Variants in NCALD observed in about 807,000 individuals in gnomAD.
The protein encoded by NCALD is neurocalcin-delta.
In NCALD, 10 loss-of-function variants were observed where a neutral mutation model predicts 18.6. The observed-to-expected ratio is 0.54, with a 90% confidence interval of 0.33 to 0.91. The LOEUF is 0.91. NCALD is among the 40% of genes least tolerant of loss of function. The pLI, the probability that NCALD is intolerant of heterozygous loss-of-function variation, is 0.03. For synonymous variants in NCALD, 88 were observed against 87.4 expected (o/e 1.01, Z -0.04); for missense variants, 184 against 247.6 (o/e 0.74, Z 1.72).
intron 1 of NCALD, among the ~76,000 whole-genome samples, chr8:102,074,508 C>T (rs1209706184): frequency 6.6e-6 from 1 of 152,154 alleles, no homozygotes; most frequent in African/African-American, 2.4e-5. Context: ...AGGAGACTGA[C>T]CTAGCTTCCT....
intron 1 of NCALD, among the ~76,000 whole-genome samples, chr8:102,093,800 G>A (rs1425430246): frequency 6.6e-6 from 1 of 152,116 alleles, no homozygotes; most frequent in African/African-American, 2.4e-5. Flanking sequence ...ACACACCCTT[G>A]TGCTTTTGAG....
chr8:101,904,900 C>A (rs1035329729), intron 3 of NCALD, among the ~76,000 whole-genome samples: 4 of 152,190 alleles, frequency 2.6e-5, no homozygotes, highest in Non-Finnish European at 5.9e-5. Context: ...GATGGTCTAT[C>A]TGTCCATTCC....
chr8:102,091,443 A>G (rs974939908), intron 1 of NCALD, among the ~76,000 whole-genome samples: 1 of 152,190 alleles, frequency 6.6e-6, no homozygotes, highest in African/African-American at 2.4e-5. Context: ...ATGATCTCTG[A>G]CTGCTGCTCA....
intron 2 of NCALD, among the ~76,000 whole-genome samples, chr8:101,716,317 TG>T (rs910639443): frequency 2.7e-5 from 4 of 150,502 alleles, no homozygotes; most frequent in African/African-American, 9.8e-5. Context: ...CGGGGCCTGT[TG>T]GGGGGTGGTG....
intron 1 of NCALD, among the ~76,000 whole-genome samples, chr8:101,761,257 T>A (rs1294985519): frequency 2.0e-5 from 3 of 152,226 alleles, no homozygotes; most frequent in Admixed American, 2.0e-4. Context: ...TCAGCAACTT[T>A]GCCGGAGCAG....
chr8:101,752,827 C>T (rs1377306041), intron 1 of NCALD, among the ~76,000 whole-genome samples: 1 of 152,152 alleles, frequency 6.6e-6, no homozygotes, highest in African/African-American at 2.4e-5. Context: ...ATATTTTAGT[C>T]ACCACATTGA....
chr8:101,932,630 AG>A (rs1480893553), intron 2 of NCALD, among the ~76,000 whole-genome samples: 2 of 152,174 alleles, frequency 1.3e-5, no homozygotes, highest in African/African-American at 4.8e-5. Context: ...GAGAAAAAAA[AG>A]AAAGAAGCAA....
intron 1 of NCALD, among the ~76,000 whole-genome samples, chr8:102,076,273 T>G (rs1242463705): frequency 1.3e-5 from 2 of 152,196 alleles, no homozygotes; most frequent in Non-Finnish European, 2.9e-5. Context: ...TGTAAAATAG[T>G]CTGCTAAGAG....
intron 1 of NCALD, among the ~76,000 whole-genome samples, chr8:102,046,679 AT>A (rs1823254649): frequency 6.6e-6 from 1 of 151,548 alleles, no homozygotes; most frequent in South Asian, 2.1e-4. Flanking sequence ...TAATTTTTGT[AT>A]TTTTTGTAGA....
chr8:102,068,707 T>C (rs577028078), intron 1 of NCALD, among the ~76,000 whole-genome samples: 1 of 151,384 alleles, frequency 6.6e-6, no homozygotes, highest in South Asian at 2.1e-4. Context: ...ATATTTCTTC[T>C]TTTTTTTCCT....
At chr8:101,701,781 C>T (rs886559079) in intron 2 of NCALD, among the ~76,000 whole-genome samples, 3 of 152,202 alleles carry the variant, frequency 2.0e-5, no homozygotes, top group Non-Finnish European at 4.4e-5. Context: ...TCTCTGACAG[C>T]AGACTACGGA....
chr8:102,114,167 A>C (rs776986713), intron 1 of NCALD, among the ~76,000 whole-genome samples: 1 of 152,224 alleles, frequency 6.6e-6, no homozygotes, highest in Non-Finnish European at 1.5e-5. Context: ...CCCCAAAGTC[A>C]GGCCAGAGAA....
At chr8:102,016,655 C>T (rs1822093497) in intron 2 of NCALD, among the ~76,000 whole-genome samples, 1 of 152,142 alleles carries the variant, frequency 6.6e-6, no homozygotes, top group Non-Finnish European at 1.5e-5. Context: ...TACTAATTAC[C>T]AATCTTGTTA....
At chr8:102,009,724 G>A (rs947118798) in intron 2 of NCALD, among the ~76,000 whole-genome samples, 8 of 152,198 alleles carry the variant, frequency 5.3e-5, no homozygotes, top group African/African-American at 1.9e-4. Context: ...TGTTCTATTG[G>A]AGCAGTTTAC....
chr8:101,992,792 C>A (rs958411515), intron 2 of NCALD, among the ~76,000 whole-genome samples: 1 of 151,998 alleles, frequency 6.6e-6, no homozygotes, highest in African/African-American at 2.4e-5. Context: ...CCAGGCCTGG[C>A]ACACAACAGG....
intron 2 of NCALD, among the ~76,000 whole-genome samples, chr8:102,007,694 G>C (rs750605702): frequency 2.6e-5 from 4 of 152,210 alleles, no homozygotes; most frequent in Non-Finnish European, 2.9e-5. Flanking sequence ...TGTAGGTGCA[G>C]GTAATTATAG....
chr8:101,928,606 T>A (rs998749794), intron 2 of NCALD, among the ~76,000 whole-genome samples: 8 of 152,096 alleles, frequency 5.3e-5, no homozygotes, highest in Non-Finnish European at 1.2e-4. Context: ...GACACTTTTT[T>A]TTTTTTTTAA....
At chr8:101,818,574 A>G (rs901091099) in intron 4 of NCALD, among the ~76,000 whole-genome samples, 2 of 152,136 alleles carry the variant, frequency 1.3e-5, no homozygotes, top group Non-Finnish European at 2.9e-5. Flanking sequence ...CAACACCTCC[A>G]TGTTTCTCCT....
intron 3 of NCALD, chr8:101,690,474 T>C (rs1216425911): frequency 2.0e-6 from 2 of 985,480 alleles, no homozygotes; most frequent in Non-Finnish European, 2.4e-6. Flanking sequence ...TTTCAGCACG[T>C]CCTTGGACTC....
Sources: gnomAD v4.1 joint callset for allele counts (sites outside exome capture counted in the v4.1 genomes callset) on GRCh38, gnomAD v4.1.1 for gene constraint, MANE v1.5 for transcripts, NCBI Gene and HGNC (gene_info 2026-07-23, HGNC 2026-07-21) for gene names.